Variants in AUH observed in about 807,000 individuals in gnomAD.
AUH encodes the protein methylglutaconyl-CoA hydratase, mitochondrial.
A neutral mutation model predicts 42.3 loss-of-function variants in AUH; 29 were observed. That is an observed-to-expected ratio of 0.69 (90% confidence interval 0.51 to 0.93). The LOEUF (loss-of-function observed/expected upper bound fraction) is 0.93, where lower values mean the gene tolerates loss of function less well. AUH is among the 40% of genes least tolerant of loss of function. The probability of loss-of-function intolerance (pLI) is 0.00; values close to 1 mark genes in which losing one functional copy is unlikely to be tolerated. For synonymous variants in AUH, 174 were observed against 166.4 expected (o/e 1.05, Z -0.35); for missense variants, 452 against 438.1 (o/e 1.03, Z -0.28).
chr9:91,273,939 C>T (rs1564054813), intron 6 of AUH, among the ~76,000 whole-genome samples: 3 of 152,154 alleles, frequency 2.0e-5, no homozygotes, highest in African/African-American at 7.2e-5. Flanking sequence ...TGGAAAAGGG[C>T]TGACCAGGTA....
intron 6 of AUH, among the ~76,000 whole-genome samples, chr9:91,270,899 C>T (rs1825071010): frequency 6.6e-6 from 1 of 152,054 alleles, no homozygotes; most frequent in South Asian, 2.1e-4. Flanking sequence ...GAGGTTGCTA[C>T]TGCCCAATTA....
At chr9:91,348,472 G>C (rs77279577) in intron 3 of AUH, among the ~76,000 whole-genome samples, 3,832 of 152,276 alleles carry the variant, frequency 0.025, 78 homozygotes, top group East Asian at 0.066. Context: ...ATGCATAAAA[G>C]CCAAACGATG....
At chr9:91,222,857 A>G (rs1587626501) in intron 6 of AUH, among the ~76,000 whole-genome samples, 2 of 152,340 alleles carry the variant, frequency 1.3e-5, no homozygotes, top group South Asian at 2.1e-4. Flanking sequence ...ACTGGTCACA[A>G]TTAACAAATG....
chr9:91,291,773 T>C (rs1475148156), intron 6 of AUH, among the ~76,000 whole-genome samples: 2 of 152,204 alleles, frequency 1.3e-5, no homozygotes, highest in African/African-American at 4.8e-5. Context: ...TATGCAAGTA[T>C]GTCTTCCATG....
At chr9:91,267,136 T>G (rs761830421) in intron 6 of AUH, among the ~76,000 whole-genome samples, 34 of 152,258 alleles carry the variant, frequency 2.2e-4, no homozygotes, top group Non-Finnish European at 4.1e-4. Context: ...CCTAGAAAGG[T>G]GCCCCAGCTA....
intron 6 of AUH, among the ~76,000 whole-genome samples, chr9:91,262,641 G>A (rs1461934281): frequency 6.6e-6 from 1 of 151,518 alleles, no homozygotes; most frequent in Non-Finnish European, 1.5e-5. Context: ...AAACTCTATG[G>A]CACTGACACA....
At chr9:91,298,851 T>TAA (rs1408596086) in intron 4 of AUH, among the ~76,000 whole-genome samples, 1 of 152,252 alleles carries the variant, frequency 6.6e-6, no homozygotes, top group East Asian at 1.9e-4. Context: ...AGAACTCTAT[T>TAA]AATTTTATTT....
intron 6 of AUH, among the ~76,000 whole-genome samples, chr9:91,266,463 C>G (rs1291892698): frequency 6.6e-6 from 1 of 152,158 alleles, no homozygotes; most frequent in African/African-American, 2.4e-5. Context: ...AGGTCATGTA[C>G]TTGATGGCCA....
chr9:91,266,362 A>AAAATAAATAAAT lies in AUH; in HGVS notation c.655+29647_655+29658dup, dbSNP rs144350488. ...GGGTAACAGTGTGAGACTCCATCTC[A>AAAATAAATAAAT]AAATAAATAAATAAATAAATAAATA... is the stretch of plus-strand genomic sequence containing the variant. On this transcript the variant is annotated intron_variant, in intron 6 of 9. Coordinates refer to ENST00000375731, the MANE Select transcript of AUH (RefSeq NM_001698.3). Among the ~76,000 whole-genome samples the AAAATAAATAAAT allele has an allele frequency of 3.9e-3, 574 of 148,098 alleles. 6 individuals are homozygous for AAAATAAATAAAT. Among genetic ancestry groups the AAAATAAATAAAT allele is most frequent in the African/African-American group, 0.014 (542 of 39,834 alleles).
chr9:91,215,944 G>T, intron 9 of AUH, 115 bp downstream of exon 9: 7 of 1,101,030 alleles, frequency 6.4e-6, no homozygotes, highest in Non-Finnish European at 9.6e-6. Context: ...CCATTTGTAT[G>T]ATTTTGGAAT....
chr9:91,322,945 T>C (rs1018075729), intron 4 of AUH, among the ~76,000 whole-genome samples: 2 of 152,222 alleles, frequency 1.3e-5, no homozygotes, highest in African/African-American at 4.8e-5. Context: ...ACATCAATTA[T>C]AATCCCGATG....
chr9:91,357,979 A>G (rs1405807776), intron 1 of AUH, among the ~76,000 whole-genome samples: 1 of 152,236 alleles, frequency 6.6e-6, no homozygotes, highest in African/African-American at 2.4e-5. Context: ...AATAGTTTCT[A>G]TACTTGGAGA....
At chr9:91,215,784 A>C (rs191716690) in intron 9 of AUH, among the ~76,000 whole-genome samples, 4 of 152,290 alleles carry the variant, frequency 2.6e-5, no homozygotes, top group Non-Finnish European at 5.9e-5. Flanking sequence ...CCACAAAAGA[A>C]AGCATAAGCC....
chr9:91,218,804 G>C, intron 7 of AUH: 1 of 985,026 alleles, frequency 1.0e-6, no homozygotes, highest in Non-Finnish European at 1.2e-6. Flanking sequence ...TTATCTGGAG[G>C]ACTAATCATT....
chr9:91,315,119 A>C (rs989313023), intron 4 of AUH, among the ~76,000 whole-genome samples: 7 of 152,178 alleles, frequency 4.6e-5, no homozygotes, highest in African/African-American at 1.7e-4. Context: ...GTATTTTTTT[A>C]GTAGAGACAG....
At chr9:91,346,329 C>G (rs1310242239) in intron 3 of AUH, among the ~76,000 whole-genome samples, 1 of 152,012 alleles carries the variant, frequency 6.6e-6, no homozygotes, top group Non-Finnish European at 1.5e-5. Context: ...TGTAAAGAGG[C>G]CTCCATAAAA....
chr9:91,236,178 T>C (rs1233221158), intron 6 of AUH, among the ~76,000 whole-genome samples: 2 of 151,776 alleles, frequency 1.3e-5, no homozygotes, highest in Non-Finnish European at 2.9e-5. Context: ...AACTACACAC[T>C]TGAGATGTGT....
chr9:91,313,147 C>T (rs1051841159), intron 4 of AUH, among the ~76,000 whole-genome samples: 5 of 152,136 alleles, frequency 3.3e-5, no homozygotes, highest in Admixed American at 2.6e-4. Context: ...GAATCTCCTG[C>T]TTTCAGGAAA....
chr9:91,345,567 C>T (rs1290787335), intron 3 of AUH, among the ~76,000 whole-genome samples: 1 of 152,148 alleles, frequency 6.6e-6, no homozygotes, highest in East Asian at 1.9e-4. Flanking sequence ...GGCGTGGTGG[C>T]TCACGCCTGT....
Sources: allele counts gnomAD v4.1 joint callset (sites outside exome capture counted in the v4.1 genomes callset), GRCh38; gene constraint gnomAD v4.1.1; transcripts MANE v1.5; gene names NCBI Gene and HGNC (gene_info 2026-07-23, HGNC 2026-07-21).